RNF220: variants seen among roughly 807,000 people sequenced by gnomAD.
RNF220 encodes the protein ring finger protein 220.
A neutral mutation model predicts 67.1 loss-of-function variants in RNF220; 7 were observed. That is an observed-to-expected ratio of 0.10 (90% CI 0.06 to 0.20). RNF220 has a LOEUF of 0.20. Ranked by LOEUF, RNF220 falls within the 10% of genes least tolerant of loss-of-function variation. The pLI is 1.00. For missense variants in RNF220, 565 were observed against 740.3 expected, an observed-to-expected ratio of 0.76 and a Z score of 2.75; for synonymous variants, 270 against 283.2, an observed-to-expected ratio of 0.95 and a Z score of 0.47.
rs113061881 is a variant in RNF220 at position 44,476,269 on chromosome 1, A to G, written c.625+63547A>G. Among the ~76,000 whole-genome samples the G allele has an allele frequency of 1.6e-3, 247 of 152,202 alleles. 3 individuals carry two copies. The highest frequency in any genetic ancestry group is 5.4e-3 in the African/African-American group (225 of 41,538). On this transcript the variant is annotated intron_variant, in intron 2 of 14. Transcript: ENST00000361799. The stretch of plus-strand genomic sequence containing the variant: ...TGCCAACTGTGAGTAGTCATGGTCT[A>G]TTTCTTAAGTGGGATGGTGGTTCAC...
At chr1:44,561,836 G>A (rs935871777) in intron 2 of RNF220, among the ~76,000 whole-genome samples, 47 of 152,254 alleles carry the variant, frequency 3.1e-4, no homozygotes, top group African/African-American at 1.1e-3. Context: ...AGAATCACTC[G>A]AACTCAGGAG....
At chr1:44,489,020 C>T (rs1001502690) in intron 2 of RNF220, among the ~76,000 whole-genome samples, 1 of 152,124 alleles carries the variant, frequency 6.6e-6, no homozygotes, top group African/African-American at 2.4e-5. Context: ...TGTGAGCCAC[C>T]ACTCCTGGCT....
intron 2 of RNF220, among the ~76,000 whole-genome samples, chr1:44,443,948 G>A (rs191772613): frequency 2.6e-5 from 4 of 152,230 alleles, no homozygotes; most frequent in South Asian, 2.1e-4. Flanking sequence ...AAAATTAGCC[G>A]AACATGTTGG....
At chr1:44,406,321 G>A (rs1202669163) in intron 1 of RNF220, among the ~76,000 whole-genome samples, 1 of 152,150 alleles carries the variant, frequency 6.6e-6, no homozygotes, top group Admixed American at 6.5e-5. Flanking sequence ...AAACGCCACC[G>A]GTAAACTCCC....
chr1:44,500,401 G>A (rs918477078), intron 2 of RNF220, among the ~76,000 whole-genome samples: 1 of 151,998 alleles, frequency 6.6e-6, no homozygotes, highest in Non-Finnish European at 1.5e-5. Context: ...GCTGCCACCC[G>A]CATCTCACAT....
intron 2 of RNF220, among the ~76,000 whole-genome samples, chr1:44,575,817 A>G (rs953009503): frequency 3.3e-5 from 5 of 152,254 alleles, no homozygotes; most frequent in Admixed American, 3.3e-4. Flanking sequence ...CAAAGGGAAG[A>G]AATCAGTATA....
rs1310709752 is a variant in RNF220, at chr1:44,622,925, G to C, written c.804+138G>C. ...TTCTAATATCCTCAACTATCTCCAGGTCTTGAACATCATCCTGAGGCCTAG... is the reference window on the plus strand; with the variant it reads ...TTCTAATATCCTCAACTATCTCCAGCTCTTGAACATCATCCTGAGGCCTAG... On this transcript the variant is annotated intron_variant, in intron 4 of 14. Transcript: ENST00000361799. This position sits in a 1 kb window ranked among gnomAD's most constrained non-coding sequence, Gnocchi z 4.3. 1.4e-6 allele frequency: 1 copy of C among 726,068 alleles called. No individual in the cohort carries two copies. Among genetic ancestry groups the C allele is most frequent in the African/African-American group, 1.8e-5 (1 of 56,970 alleles). The allele number at this position is 726,068 out of a possible 1,614,324, so 45.0% of individuals were successfully genotyped here. A position where few individuals can be genotyped will look rare whatever the true frequency, so the allele number is the denominator to read the frequency against.
At chr1:44,623,526 A>G (rs1643869145) in intron 4 of RNF220, among the ~76,000 whole-genome samples, 1 of 152,244 alleles carries the variant, frequency 6.6e-6, no homozygotes, top group Non-Finnish European at 1.5e-5. Flanking sequence ...ACCCTCACTC[A>G]CTGAGTATCC....
At chr1:44,433,166 G>A (rs1650592839) in intron 2 of RNF220, among the ~76,000 whole-genome samples, 1 of 152,126 alleles carries the variant, frequency 6.6e-6, no homozygotes, top group Non-Finnish European at 1.5e-5. Flanking sequence ...TTGACCTCAA[G>A]TAATCCACCT....
At position 44,626,357 on chromosome 1, in the gene RNF220, T is replaced by A. The variant is rs778656863; in HGVS notation, c.865T>A (p.Ser289Thr). ...EGESPTASPHSSATDDLHHSD... is the reference protein window; with the variant it reads ...EGESPTASPHTSATDDLHHSD... Reference sequence around the variant, plus strand: ...AGAGTCTCCAACGGCATCACCCCACTCATCTGCCACCGATGACCTCCACCA... The same window carrying A: ...AGAGTCTCCAACGGCATCACCCCACACATCTGCCACCGATGACCTCCACCA... Residue 289 changes from serine (S) to threonine (T), a missense_variant, in exon 5 of 15, where the codon TCA (serine) becomes ACA (threonine). Physicochemically the swap from Ser to Thr is moderately conservative, Grantham distance 58 (BLOSUM62 1). Coordinates refer to ENST00000361799, the MANE Select transcript of RNF220 (RefSeq NM_018150.4). The A allele has an allele frequency of 6.2e-7, 1 of 1,613,746 alleles. No individual in the cohort carries two copies. The highest frequency in any genetic ancestry group is 1.3e-5 in the African/African-American group (1 of 74,802).
At chr1:44,505,030 C>T (rs1027395195) in intron 2 of RNF220, among the ~76,000 whole-genome samples, 6 of 152,218 alleles carry the variant, frequency 3.9e-5, no homozygotes, top group African/African-American at 1.4e-4. Flanking sequence ...CTGTGCCCCT[C>T]GCTTTCCATG....
In RNF220 at chr1:44,565,963, A is replaced by G. The variant is rs1296215917; in HGVS notation, c.626-48202A>G. Among the ~76,000 whole-genome samples the G allele has an allele frequency of 6.6e-6, 1 of 152,132 alleles. No homozygotes were observed. The highest frequency in any genetic ancestry group is 1.5e-5 in the Non-Finnish European group (1 of 68,036). ...CTCCCTCTCTGCTCCACATTGATATAAATGGAGGCTTCGGCTGCCTTTAAA... is the reference window on the plus strand; with the variant it reads ...CTCCCTCTCTGCTCCACATTGATATGAATGGAGGCTTCGGCTGCCTTTAAA... On this transcript the variant is annotated intron_variant, in intron 2 of 14. Coordinates refer to ENST00000361799, the MANE Select transcript of RNF220 (RefSeq NM_018150.4). The surrounding 1 kb of genome is among the most constrained non-coding windows in gnomAD (Gnocchi z 4.2).
At chr1:44,612,480 C>T (rs272547) in intron 2 of RNF220, among the ~76,000 whole-genome samples, 23,531 of 152,092 alleles carry the variant, frequency 0.15, 1,934 homozygotes, top group East Asian at 0.2. Flanking sequence ...CACAGCCAAA[C>T]GAAGAATTCC....
At chr1:44,494,353 G>A (rs1460058084) in intron 2 of RNF220, among the ~76,000 whole-genome samples, 3 of 152,102 alleles carry the variant, frequency 2.0e-5, no homozygotes, top group Admixed American at 6.6e-5. Flanking sequence ...ATGTACAAGC[G>A]AGAAAAAGAA....
Position 44,650,601 on chromosome 1 carries a change from T to C in RNF220, c.1630-103T>C. 7.7e-7 allele frequency: 1 copy of C among 1,297,714 alleles called. No homozygotes were observed. The allele number at this position is 1,297,714 out of a possible 1,614,324, so 80.4% of individuals were successfully genotyped here. ...AGCCTGGGCTGACAGGACCAAGGTC[T>C]CAGCACACACTGGTGCAGAGAGACA... On this transcript the variant is annotated intron_variant, in intron 14 of 14. Transcript: ENST00000361799. The surrounding 1 kb of genome is among the most constrained non-coding windows in gnomAD (Gnocchi z 4.3).
At chr1:44,405,200 C>CGT (rs139658142), upstream of RNF220, 9 of 327,238 alleles carry the variant, frequency 2.8e-5, no homozygotes, top group East Asian at 2.6e-4. Flanking sequence ...TGTGTGCGTG[C>CGT]GTGTGTGTGT....
At chr1:44,646,799 G>T (rs1228420489) in intron 12 of RNF220, among the ~76,000 whole-genome samples, 4 of 152,198 alleles carry the variant, frequency 2.6e-5, no homozygotes, top group Admixed American at 2.6e-4. Context: ...GCTCAGTCAT[G>T]TGCAGAGCTC....
chr1:44,529,840 C>T (rs939892620), intron 2 of RNF220, among the ~76,000 whole-genome samples: 1 of 151,966 alleles, frequency 6.6e-6, no homozygotes, highest in Non-Finnish European at 1.5e-5. Flanking sequence ...TGCCTGAGCT[C>T]AGGAGTTCGA....
Position 44,636,402 on chromosome 1 carries a change from G to C in RNF220, c.1126+240G>C, listed in dbSNP as rs1042155525. ...AGGCTGCAAGCTAGGAGTGACGAAGGGGGGCTCTCAGCTTCGGGTGATGCA... is the reference window on the plus strand; with the variant it reads ...AGGCTGCAAGCTAGGAGTGACGAAGCGGGGCTCTCAGCTTCGGGTGATGCA... On this transcript the variant is annotated intron_variant, in intron 8 of 14. Transcript: ENST00000361799. The C allele has an allele frequency of 4.5e-5, 33 of 726,054 alleles. No homozygotes were observed. The Middle Eastern group carries it at 9.1e-4, about 20-fold the overall frequency. 45.0% of individuals were successfully genotyped at this position (726,054 alleles called of 1,614,324 possible).
Sources: gnomAD v4.1 joint callset for allele counts (sites outside exome capture counted in the v4.1 genomes callset) on GRCh38, gnomAD v4.1.1 for gene constraint, Gnocchi (gnomAD v3.1) non-coding constraint, MANE v1.5 for transcripts, NCBI Gene and HGNC (gene_info 2026-07-23, HGNC 2026-07-21) for gene names.